DGKH: variants seen among roughly 807,000 people sequenced by gnomAD.
DGKH encodes DAG kinase eta.
In DGKH, 90 loss-of-function variants were observed where a neutral mutation model predicts 159.3. The observed-to-expected ratio is 0.57, with a 90% CI of 0.48 to 0.67. DGKH has a LOEUF of 0.67. Among genes scored for constraint, DGKH ranks in the 30% least tolerant of loss-of-function variants. DGKH has a pLI of 0.00. For missense variants in DGKH, 1,181 were observed against 1,506.1 expected, an observed-to-expected ratio of 0.78 and a Z score of 3.57; for synonymous variants, 536 against 553.8, an observed-to-expected ratio of 0.97 and a Z score of 0.45.
Position 42,209,448 on chromosome 13 carries a change from A to G in DGKH, c.2833A>G (p.Met945Val), listed in dbSNP as rs1206828036. 6.2e-7 allele frequency: 1 copy of G among 1,612,262 alleles called. No individual in the cohort carries two copies. The highest frequency in any genetic ancestry group is 8.5e-7 in the Non-Finnish European group (1 of 1,179,456). Residue 945 changes from methionine to valine, a missense_variant, in exon 23 of 30, where the codon ATG becomes GTG. Met to Val is a conservative substitution (Grantham distance 21). This residue lies in a region of DGKH where 335 missense variants were observed against 495.2 expected (regional missense o/e 0.68). Transcript: ENST00000337343. ...AATTGTGCACAAAAACAGAGCACAA[A>G]TGCTAACAAGGGACAGAGTATGTAA... ...IKIVHKNRAQMLTRDRAFEST... is the reference protein window; with the variant it reads ...IKIVHKNRAQVLTRDRAFEST...
chr13:42,044,628 G>C (rs180922974), upstream of DGKH, among the ~76,000 whole-genome samples: 11 of 152,284 alleles, frequency 7.2e-5, no homozygotes, highest in Admixed American at 7.2e-4. Context: ...TTGAGCTGTT[G>C]CTGAACTTTA....
chr13:42,108,477 C>T lies in DGKH; in HGVS notation c.193-18986C>T, dbSNP rs116361310. 9.7e-3 allele frequency among the ~76,000 whole-genome samples: 1,471 copies of T among 152,212 alleles called. 19 individuals carry two copies. Among genetic ancestry groups the T allele is most frequent in the African/African-American group, 0.034 (1,408 of 41,520 alleles). On this transcript the variant is annotated intron_variant, in intron 1 of 29. Coordinates refer to ENST00000337343, the MANE Select transcript of DGKH (RefSeq NM_178009.5). ...TCATTTGGAATTCCGTATAGAGTGA[C>T]TTTTACCCAGTGCCGTGTAGTTAGC... is the stretch of plus-strand genomic sequence containing the variant.
chr13:42,219,797 A>C lies in DGKH; in HGVS notation c.3442+3A>C. The C allele has an allele frequency of 6.2e-7, 1 of 1,612,214 alleles. No individual in the cohort carries two copies. The highest frequency in any genetic ancestry group is 1.1e-5 in the South Asian group (1 of 90,936). ...GCAGAAGACAAGTTCACAGCCTGGT[A>C]GGTGGTCCATATGGAAGGGGAAATA... On this transcript the variant is annotated splice_donor_region_variant and intron_variant, in intron 28 of 29. Transcript: ENST00000337343.
rs150568578 is a variant in DGKH, at chr13:42,178,851, A to G, written c.1538+631A>G. Among the ~76,000 whole-genome samples, 1,194 of 152,342 alleles carry G rather than the reference A, an allele frequency of 7.8e-3. 14 individuals carry two copies. The highest frequency in any genetic ancestry group is 0.027 in the African/African-American group (1,142 of 41,568). On this transcript the variant is annotated intron_variant, in intron 13 of 29. Coordinates refer to ENST00000337343, the MANE Select transcript of DGKH (RefSeq NM_178009.5). ...AGGGGTGACACCAACTGAAATTTTC[A>G]ACTGATAAGCAAAAGAATGCATTCA...
intron 1 of DGKH, among the ~76,000 whole-genome samples, chr13:42,118,970 T>C (rs1307892831): frequency 2.0e-5 from 3 of 152,246 alleles, no homozygotes; most frequent in Non-Finnish European, 4.4e-5. Flanking sequence ...TTCTTCCCCA[T>C]TGCCTTAAAC....
intron 13 of DGKH, among the ~76,000 whole-genome samples, chr13:42,183,089 G>C (rs2138079919): frequency 6.6e-6 from 1 of 152,268 alleles, no homozygotes; most frequent in Middle Eastern, 3.4e-3. Context: ...AGGAGTTCAA[G>C]ACCAGCCTGG....
downstream of DGKH, among the ~76,000 whole-genome samples, chr13:42,246,242 G>A (rs1958579009): frequency 6.6e-6 from 1 of 152,080 alleles, no homozygotes; most frequent in South Asian, 2.1e-4. Flanking sequence ...CAACATAATG[G>A]AGCTTGTCCC....
intron 24 of DGKH, among the ~76,000 whole-genome samples, chr13:42,211,348 A>G (rs1861366086): frequency 6.6e-6 from 1 of 152,196 alleles, no homozygotes; most frequent in East Asian, 1.9e-4. Context: ...ACATTGTATT[A>G]GTCCATTTTC....
chr13:42,126,375 G>A (rs1346134357), intron 1 of DGKH, among the ~76,000 whole-genome samples: 1 of 152,112 alleles, frequency 6.6e-6, no homozygotes, highest in Non-Finnish European at 1.5e-5. Context: ...ACCTGAAGGA[G>A]GTGAAGGGGT....
At chr13:42,063,729 C>T (rs1333448238) in intron 1 of DGKH, among the ~76,000 whole-genome samples, 3 of 152,064 alleles carry the variant, frequency 2.0e-5, no homozygotes, top group African/African-American at 7.2e-5. Context: ...CACCTGAGGT[C>T]AGGAGTTCGA....
intron 1 of DGKH, among the ~76,000 whole-genome samples, chr13:42,097,021 G>A (rs74053509): frequency 0.14 from 20,727 of 152,174 alleles, 1,549 homozygotes; most frequent in Non-Finnish European, 0.17. Context: ...CTCCAGAACT[G>A]GGAAATCCTT....
At chr13:42,129,404 C>A in intron 2 of DGKH, 148 bp from the exon 3 acceptor site, 1 of 643,120 alleles carries the variant, frequency 1.6e-6, no homozygotes, top group Non-Finnish European at 2.6e-6. Flanking sequence ...TTTTATTTTT[C>A]CTTTCTAGGA....
Position 42,123,170 on chromosome 13 carries a change from A to G in DGKH, c.193-4293A>G, listed in dbSNP as rs1955108038. On this transcript the variant is annotated intron_variant, in intron 1 of 29. Transcript: ENST00000337343. ...AATATGGAGGTGCCTCTTTATGGAT[A>G]TGCAAAATGTATATTATAAATTTCA... Among the ~76,000 whole-genome samples, 3 of 152,312 alleles carry G rather than the reference A, an allele frequency of 2.0e-5. No homozygotes were observed. The South Asian group carries it at 6.2e-4, about 32-fold the overall frequency.
At chr13:42,059,019 A>G (rs1881953082) in intron 1 of DGKH, among the ~76,000 whole-genome samples, 1 of 152,212 alleles carries the variant, frequency 6.6e-6, no homozygotes, top group Non-Finnish European at 1.5e-5. Flanking sequence ...ACACATCATC[A>G]CTCTGAATTG....
At chr13:42,045,610 TCTTA>T (rs1243982942), upstream of DGKH, among the ~76,000 whole-genome samples, 1 of 152,230 alleles carries the variant, frequency 6.6e-6, no homozygotes, top group Non-Finnish European at 1.5e-5. Flanking sequence ...AATGTTAAAT[TCTTA>T]ATATGTAGCA....
At chr13:42,152,695 A>G (rs1307426649) in intron 3 of DGKH, among the ~76,000 whole-genome samples, 2 of 142,230 alleles carry the variant, frequency 1.4e-5, no homozygotes, top group Admixed American at 1.5e-4. Flanking sequence ...TCTATTTTTG[A>G]TGCTCTGGTG....
intron 23 of DGKH, 150 bp from the exon 24 acceptor site, chr13:42,210,452 C>T: frequency 2.8e-6 from 2 of 718,388 alleles, no homozygotes; most frequent in Non-Finnish European, 4.5e-6. Flanking sequence ...TGTTGCAGTA[C>T]ATTGGAAAAC....
chr13:42,056,200 A>C (rs908494094), intron 1 of DGKH, among the ~76,000 whole-genome samples: 3 of 152,194 alleles, frequency 2.0e-5, no homozygotes, highest in Non-Finnish European at 4.4e-5. Flanking sequence ...AATGTGCATC[A>C]TTCCTATTTT....
At chr13:42,162,496 A>G (rs1437776462) in intron 7 of DGKH, among the ~76,000 whole-genome samples, 3 of 152,096 alleles carry the variant, frequency 2.0e-5, no homozygotes, top group Non-Finnish European at 4.4e-5. Context: ...CTGGGCAACA[A>G]GAGCAAAACA....
Sources: gnomAD v4.1 joint callset for allele counts (sites outside exome capture counted in the v4.1 genomes callset) on GRCh38, gnomAD v4.1.1 for gene constraint, gnomAD v4.1.1 regional missense constraint, MANE v1.5 for transcripts, NCBI Gene and HGNC (gene_info 2026-07-23, HGNC 2026-07-21) for gene names.